Variants in RGS6 observed in about 807,000 individuals in gnomAD.
RGS6 encodes the protein regulator of G protein signaling 6, also known as regulator of G-protein signaling 6.
In RGS6, 30 loss-of-function variants were observed where a neutral mutation model predicts 78.5. That is an observed-to-expected ratio of 0.38 (90% CI 0.29 to 0.52). The LOEUF is 0.52. Ranked by LOEUF, RGS6 falls within the 20% of genes least tolerant of loss-of-function variation. RGS6 has a pLI of 0.85. For missense variants in RGS6, 495 were observed against 609.7 expected, an observed-to-expected ratio of 0.81 and a Z score of 1.98; for synonymous variants, 206 against 206.0, an observed-to-expected ratio of 1.00 and a Z score of 0.00.
intron 2 of RGS6, among the ~76,000 whole-genome samples, chr14:72,300,575 TTGTTGACTAAGCAAAGTATTTGTTGAC>T (rs2065844819): frequency 6.6e-6 from 1 of 152,244 alleles, no homozygotes; most frequent in African/African-American, 2.4e-5. Flanking sequence ...CTAACTTTAG[TTGTTGACTAAGCAAAGTATTTGTTGAC>T]TAATGTGACT....
chr14:72,251,414 G>C (rs2055746796), intron 2 of RGS6, among the ~76,000 whole-genome samples: 1 of 152,180 alleles, frequency 6.6e-6, no homozygotes, highest in Non-Finnish European at 1.5e-5. Context: ...AAATTCCAGA[G>C]AGAGGTCCTC....
At chr14:72,567,852 C>T (rs2097715504), downstream of RGS6, among the ~76,000 whole-genome samples, 1 of 152,238 alleles carries the variant, frequency 6.6e-6, no homozygotes, top group Admixed American at 6.5e-5. Context: ...CCCATATGAA[C>T]CCCTGACCCC....
At chr14:72,300,151 A>C (rs2065749889) in intron 2 of RGS6, among the ~76,000 whole-genome samples, 1 of 152,086 alleles carries the variant, frequency 6.6e-6, no homozygotes, top group Non-Finnish European at 1.5e-5. Flanking sequence ...GAAAAGATCG[A>C]TGTATTGATA....
intron 17 of RGS6, among the ~76,000 whole-genome samples, chr14:72,545,878 C>T (rs910058133): frequency 2.0e-5 from 3 of 151,614 alleles, no homozygotes; most frequent in Non-Finnish European, 2.9e-5. Context: ...GCCAGTTCTG[C>T]AGTCCCCACC....
At chr14:72,213,245 G>A (rs1034666979) in intron 2 of RGS6, among the ~76,000 whole-genome samples, 5 of 152,026 alleles carry the variant, frequency 3.3e-5, no homozygotes, top group African/African-American at 9.7e-5. Context: ...AGACAGGTTT[G>A]CCTCTCGAGA....
chr14:71,935,403 C>T (rs1392975230), intron 1 of RGS6, among the ~76,000 whole-genome samples: 1 of 152,158 alleles, frequency 6.6e-6, no homozygotes, highest in African/African-American at 2.4e-5. Context: ...ACCCAGTCCC[C>T]CTCCCCCACA....
intron 2 of RGS6, among the ~76,000 whole-genome samples, chr14:71,989,706 C>G (rs2094875191): frequency 6.6e-6 from 1 of 152,170 alleles, no homozygotes; most frequent in East Asian, 1.9e-4. Flanking sequence ...CTCACACTTA[C>G]CTTAGCAGAG....
At chr14:72,261,744 G>T (rs4903005) in intron 2 of RGS6, among the ~76,000 whole-genome samples, 8,768 of 152,152 alleles carry the variant, frequency 0.058, 362 homozygotes, top group East Asian at 0.26. Flanking sequence ...TTTTGGGGGG[G>T]TTTGGTGCTT....
chr14:72,133,581 C>T (rs2096374551), intron 2 of RGS6, among the ~76,000 whole-genome samples: 1 of 152,084 alleles, frequency 6.6e-6, no homozygotes, highest in Admixed American at 6.6e-5. Flanking sequence ...CCCCTGGCTC[C>T]TCAAAACTCT....
chr14:72,594,427 T>C, the RGS6 span: 3 of 152,210 alleles, frequency 2.0e-5, no homozygotes, highest in Non-Finnish European at 4.4e-5. Context: ...CACAAATCTT[T>C]AGCTAGCTGA....
chr14:72,001,722 G>A (rs2083471325), intron 2 of RGS6, among the ~76,000 whole-genome samples: 1 of 151,962 alleles, frequency 6.6e-6, no homozygotes, highest in Non-Finnish European at 1.5e-5. Context: ...ACTTGAATGA[G>A]TACTTTTCCC....
intron 17 of RGS6, among the ~76,000 whole-genome samples, chr14:72,558,292 T>C (rs959728901): frequency 6.6e-6 from 1 of 152,152 alleles, no homozygotes; most frequent in African/African-American, 2.4e-5. Flanking sequence ...GTCTTTACTC[T>C]CTTAGCATTG....
chr14:72,261,957 G>A (rs1309509154), intron 2 of RGS6, among the ~76,000 whole-genome samples: 2 of 151,924 alleles, frequency 1.3e-5, no homozygotes, highest in Non-Finnish European at 2.9e-5. Flanking sequence ...TTTAGTCATG[G>A]TGATTTCAAA....
At chr14:72,386,457 G>C (rs2152921332) in intron 3 of RGS6, among the ~76,000 whole-genome samples, 1 of 152,300 alleles carries the variant, frequency 6.6e-6, no homozygotes, top group East Asian at 1.9e-4. Flanking sequence ...AGAATCACTT[G>C]AACCCTGAAG....
intron 2 of RGS6, among the ~76,000 whole-genome samples, chr14:72,054,190 A>G (rs1040711253): frequency 2.0e-5 from 3 of 152,230 alleles, no homozygotes; most frequent in African/African-American, 7.2e-5. Context: ...ACAGAAATAT[A>G]AAGAGTATAA....
At chr14:72,356,521 G>A (rs1349832151) in intron 3 of RGS6, among the ~76,000 whole-genome samples, 1 of 152,174 alleles carries the variant, frequency 6.6e-6, no homozygotes, top group African/African-American at 2.4e-5. Flanking sequence ...CACTGGAGAT[G>A]TGTGAAGTAG....
At chr14:72,600,791 G>A in the RGS6 span, among the ~76,000 whole-genome samples, 2 of 152,048 alleles carry the variant, frequency 1.3e-5, no homozygotes, top group South Asian at 2.1e-4. Flanking sequence ...CAGGCCAAGC[G>A]GCCACCAGCA....
At chr14:72,575,698 A>G in the RGS6 span, among the ~76,000 whole-genome samples, 1 of 152,234 alleles carries the variant, frequency 6.6e-6, no homozygotes, top group Admixed American at 6.5e-5. Context: ...GAAATGATAC[A>G]TGTTTGAGGT....
chr14:72,470,415 G>C (rs536929377), intron 8 of RGS6, among the ~76,000 whole-genome samples: 11 of 152,278 alleles, frequency 7.2e-5, no homozygotes, highest in Middle Eastern at 3.4e-3. Flanking sequence ...TTTACCCGTT[G>C]GACTGGAGAT....
Sources: allele counts gnomAD v4.1 joint callset (sites outside exome capture counted in the v4.1 genomes callset), GRCh38; gene constraint gnomAD v4.1.1; transcripts MANE v1.5; gene names NCBI Gene and HGNC (gene_info 2026-07-23, HGNC 2026-07-21).